ETV6: variants seen among roughly 807,000 people sequenced by gnomAD.
The protein encoded by ETV6 is ETS variant transcription factor 6, also known as transcription factor ETV6.
In ETV6, 16 loss-of-function variants were observed where a neutral mutation model predicts 51.1. That is an observed-to-expected ratio of 0.31 (90% CI 0.21 to 0.48). The LOEUF (loss-of-function observed/expected upper bound fraction) is 0.48, where lower values mean the gene tolerates loss of function less well. Ranked by LOEUF, ETV6 falls within the 20% of genes least tolerant of loss-of-function variation. The probability of loss-of-function intolerance (pLI) is 0.99; values close to 1 mark genes in which losing one functional copy is unlikely to be tolerated. For synonymous variants in ETV6, 240 were observed against 224.1 expected (o/e 1.07, Z -0.64); for missense variants, 458 against 594.8 (o/e 0.77, Z 2.39).
rs199620750 is a variant in ETV6 at position 11,852,649 on chromosome 12, C to CA, written c.329-772dup. Reference sequence around the variant, plus strand: ...GATAGATGTAAAAAGAACATCCTCACAAAAAATAAGAGCAATAAATTGGGA... The same window carrying CA: ...GATAGATGTAAAAAGAACATCCTCACAAAAAAATAAGAGCAATAAATTGGGA... On this transcript the variant is annotated intron_variant, in intron 3 of 7. Transcript: ENST00000396373. Among the ~76,000 whole-genome samples, 879 of 152,216 alleles carry CA rather than the reference C, an allele frequency of 5.8e-3. 6 individuals are homozygous for CA. The highest frequency in any genetic ancestry group is 0.019 in the African/African-American group (804 of 41,544).
chr12:11,851,124 C>T (rs1414467123), intron 3 of ETV6, among the ~76,000 whole-genome samples: 1 of 152,114 alleles, frequency 6.6e-6, no homozygotes, highest in East Asian at 1.9e-4. Context: ...CAGCACCTCC[C>T]ACCACCACAC....
intron 1 of ETV6, among the ~76,000 whole-genome samples, chr12:11,650,490 A>C (rs74062336): frequency 6.3e-5 from 4 of 63,390 alleles, no homozygotes; most frequent in African/African-American, 2.2e-4. Context: ...TTAAAAAAAA[A>C]AAAAACAAAA....
intron 1 of ETV6, among the ~76,000 whole-genome samples, chr12:11,740,782 C>T (rs1163528023): frequency 6.6e-6 from 1 of 152,118 alleles, no homozygotes; most frequent in African/African-American, 2.4e-5. Context: ...CCACTTTGTA[C>T]GTAGACTTTA....
intron 2 of ETV6, among the ~76,000 whole-genome samples, chr12:11,763,601 A>G (rs989180579): frequency 1.3e-5 from 2 of 152,254 alleles, no homozygotes; most frequent in African/African-American, 4.8e-5. Flanking sequence ...TTTGCTTCAG[A>G]TGAATCCAAG....
At chr12:11,858,662 T>C (rs1946667841) in intron 4 of ETV6, among the ~76,000 whole-genome samples, 1 of 152,188 alleles carries the variant, frequency 6.6e-6, no homozygotes, top group South Asian at 2.1e-4. Flanking sequence ...TCCTGTCCTC[T>C]GCCCCATCAA....
chr12:11,765,722 A>C (rs1421378369), intron 2 of ETV6, among the ~76,000 whole-genome samples: 2 of 151,958 alleles, frequency 1.3e-5, no homozygotes, highest in Non-Finnish European at 2.9e-5. Flanking sequence ...GCATGGGGAA[A>C]AAAAAAACCA....
At chr12:11,665,655 G>A (rs914624584) in intron 1 of ETV6, among the ~76,000 whole-genome samples, 5 of 152,200 alleles carry the variant, frequency 3.3e-5, no homozygotes, top group African/African-American at 1.2e-4. Context: ...CAGGCTCTTT[G>A]ATATGTAAGA....
At chr12:11,826,337 C>T (rs1164386585) in intron 2 of ETV6, 2 of 152,280 alleles carry the variant, frequency 1.3e-5, no homozygotes, top group South Asian at 2.1e-4. Flanking sequence ...AAAAAACAGA[C>T]ATCGGCCTCT....
At chr12:11,858,657 T>C (rs768719943) in intron 4 of ETV6, among the ~76,000 whole-genome samples, 1 of 152,160 alleles carries the variant, frequency 6.6e-6, no homozygotes, top group Non-Finnish European at 1.5e-5. Flanking sequence ...TTGCATCCTG[T>C]CCTCTGCCCC....
chr12:11,871,833 A>G (rs141309060), intron 5 of ETV6, among the ~76,000 whole-genome samples: 9 of 152,276 alleles, frequency 5.9e-5, no homozygotes, highest in African/African-American at 1.9e-4. Flanking sequence ...TTTTACCTGT[A>G]CATTAGATTG....
In ETV6 at chr12:11,860,898, G is replaced by A. The variant is rs904061908; in HGVS notation, c.463+7337G>A. ...CAGGTTTGTGCACCTTATACGTAGG[G>A]AAGGGCCATTGCCTCCCTCACTGTT... On this transcript the variant is annotated intron_variant, in intron 4 of 7. Coordinates refer to ENST00000396373, the MANE Select transcript of ETV6 (RefSeq NM_001987.5). Among the ~76,000 whole-genome samples the A allele has an allele frequency of 5.3e-5, 8 of 152,150 alleles. No homozygotes were observed. The East Asian group carries it at 5.8e-4, about 11-fold the overall frequency.
chr12:11,766,850 C>T lies in ETV6; in HGVS notation c.163+14271C>T, dbSNP rs557985539. On this transcript the variant is annotated intron_variant, in intron 2 of 7. Coordinates refer to ENST00000396373, the MANE Select transcript of ETV6 (RefSeq NM_001987.5). Reference sequence around the variant, plus strand: ...AAGGCAGTAAATGTAAGTGCTATTCCGGTCTTGGGAGCTGGGTCTGAATTC... The same window carrying T: ...AAGGCAGTAAATGTAAGTGCTATTCTGGTCTTGGGAGCTGGGTCTGAATTC... Among the ~76,000 whole-genome samples, 13 of 152,236 alleles carry T rather than the reference C, an allele frequency of 8.5e-5. No homozygotes were observed. In the South Asian group the frequency reaches 1.7e-3, roughly 19 times the overall value.
intron 2 of ETV6, among the ~76,000 whole-genome samples, chr12:11,761,652 C>T (rs900206135): frequency 1.3e-4 from 20 of 152,214 alleles, no homozygotes; most frequent in Admixed American, 3.3e-4. Context: ...TGCCAGAACA[C>T]GCTACAACAG....
At chr12:11,863,638 A>G (rs999221080) in intron 4 of ETV6, among the ~76,000 whole-genome samples, 2 of 152,106 alleles carry the variant, frequency 1.3e-5, no homozygotes, top group Non-Finnish European at 2.9e-5. Flanking sequence ...AGGCCAGACC[A>G]AAAAAATCTT....
At chr12:11,713,207 T>G (rs1591626350) in intron 1 of ETV6, among the ~76,000 whole-genome samples, 1 of 152,326 alleles carries the variant, frequency 6.6e-6, no homozygotes, top group East Asian at 1.9e-4. Flanking sequence ...TGAGGATAAT[T>G]ATATTTATCC....
At chr12:11,808,325 G>A (rs1945860519) in intron 2 of ETV6, among the ~76,000 whole-genome samples, 1 of 151,646 alleles carries the variant, frequency 6.6e-6, no homozygotes, top group Non-Finnish European at 1.5e-5. Flanking sequence ...TTCCCCCATG[G>A]GATACAATAA....
At position 11,850,281 on chromosome 12, in the gene ETV6, G is replaced by T. The variant is rs114711738; in HGVS notation, c.329-3146G>T. The stretch of plus-strand genomic sequence containing the variant: ...GCGTCAGTATGGGAGGCTGAAGCAA[G>T]CCCATGCAGAAGCCTGGGAGGTGTG... On this transcript the variant is annotated intron_variant, in intron 3 of 7. Coordinates refer to ENST00000396373, the MANE Select transcript of ETV6 (RefSeq NM_001987.5). Among the ~76,000 whole-genome samples the T allele has an allele frequency of 9.9e-3, 1,506 of 152,268 alleles. 29 individuals carry two copies. The highest frequency in any genetic ancestry group is 0.034 in the African/African-American group (1,407 of 41,530).
At chr12:11,870,502 A>G (rs1358611050) in intron 5 of ETV6, among the ~76,000 whole-genome samples, 10 of 152,146 alleles carry the variant, frequency 6.6e-5, no homozygotes, top group Admixed American at 1.3e-4. Flanking sequence ...ATTCTCTTTC[A>G]TTTATTATAA....
chr12:11,752,696 C>T (rs1866060129), intron 2 of ETV6, 117 bp downstream of exon 2: 1 of 1,339,960 alleles, frequency 7.5e-7, no homozygotes, highest in Non-Finnish European at 1.0e-6. Flanking sequence ...AGGACTTCGC[C>T]ACGCTGCTTT....
Sources: gnomAD v4.1 joint callset for allele counts (sites outside exome capture counted in the v4.1 genomes callset) on GRCh38, gnomAD v4.1.1 for gene constraint, MANE v1.5 for transcripts, NCBI Gene and HGNC (gene_info 2026-07-23, HGNC 2026-07-21) for gene names.